Variants in TMEM14B observed in about 807,000 individuals in gnomAD.
The protein encoded by TMEM14B is transmembrane protein 14B.
Under a neutral mutation model 14.8 loss-of-function variants are expected in TMEM14B, and 9 were observed. The observed-to-expected ratio is 0.61, with a 90% CI of 0.37 to 1.06. TMEM14B has a LOEUF of 1.06. Among genes scored for constraint, TMEM14B ranks in the 50% least tolerant of loss-of-function variants. The pLI, the probability that TMEM14B is intolerant of heterozygous loss-of-function variation, is 0.01. For missense variants in TMEM14B, 128 were observed against 143.6 expected, an observed-to-expected ratio of 0.89 and a Z score of 0.56; for synonymous variants, 40 against 51.3, an observed-to-expected ratio of 0.78 and a Z score of 0.94.
intron 4 of TMEM14B, among the ~76,000 whole-genome samples, chr6:10,751,690 T>TA (rs1191000492): frequency 2.0e-5 from 3 of 152,126 alleles, no homozygotes; most frequent in Non-Finnish European, 1.5e-5. Context: ...GCAGCTGCGT[T>TA]ACGTTTTTCA....
At chr6:10,755,783 C>G (rs1229076656) in intron 5 of TMEM14B, 1 of 525,588 alleles carries the variant, frequency 1.9e-6, no homozygotes, top group Non-Finnish European at 2.5e-6. Flanking sequence ...GGTGAAACTC[C>G]TCTCTATGAA....
downstream of TMEM14B, chr6:10,759,025 T>C (rs969330714): frequency 9.8e-6 from 2 of 203,346 alleles, no homozygotes; most frequent in Non-Finnish European, 2.1e-5. Flanking sequence ...TTCAAGCGAT[T>C]CTCCTGCCTT....
chr6:10,751,004 G>A (rs1441711770), intron 3 of TMEM14B, 129 bp from the exon 4 acceptor site: 2 of 1,074,962 alleles, frequency 1.9e-6, no homozygotes, highest in Non-Finnish European at 2.7e-6. Context: ...TCCTGCTTGA[G>A]TCCACCTTGG....
chr6:10,756,462 AAC>A lies in TMEM14B; in HGVS notation c.294-3_294-2del. On this transcript the variant is annotated splice_region_variant and splice_polypyrimidine_tract_variant and intron_variant, in intron 5 of 5. Coordinates refer to ENST00000379542, the MANE Select transcript of TMEM14B (RefSeq NM_030969.5). The stretch of plus-strand genomic sequence containing the variant: ...GATGTTTTCTATCTTACTTGTTTTA[AAC>A]AGTTTGCTGATGGCCGCCAAAGTTG... 1 of 1,605,224 alleles carries A rather than the reference AAC, an allele frequency of 6.2e-7. No homozygotes were observed. The highest frequency in any genetic ancestry group is 8.5e-7 in the Non-Finnish European group (1 of 1,173,478).
At chr6:10,754,298 T>C (rs16870617) in intron 4 of TMEM14B, among the ~76,000 whole-genome samples, 1,874 of 152,320 alleles carry the variant, frequency 0.012, 31 homozygotes, top group African/African-American at 0.04. Flanking sequence ...ATTGCTCTTA[T>C]GATGAAAACC....
rs557502976 is a variant in TMEM14B at position 10,755,240 on chromosome 6, C to T, written c.293+8C>T. ...TTTAATTGCAGGTGCCAGGTACTTT[C>T]ATTCTATTACTCTTCTTTACCATGT... On this transcript the variant is annotated splice_region_variant and intron_variant, in intron 5 of 5. Coordinates refer to ENST00000379542, the MANE Select transcript of TMEM14B (RefSeq NM_030969.5). 9.2e-5 allele frequency: 149 copies of T among 1,614,106 alleles called. No homozygotes were observed. The Admixed American group carries it at 2.0e-3, about 21-fold the overall frequency.
chr6:10,749,545 C>T, intron 2 of TMEM14B, 77 bp from the exon 3 acceptor site: 2 of 1,526,388 alleles, frequency 1.3e-6, no homozygotes, highest in Non-Finnish European at 1.8e-6. Context: ...ACCTTTTAGC[C>T]CCATCCTATG....
downstream of TMEM14B, among the ~76,000 whole-genome samples, chr6:10,758,783 A>G (rs916553228): frequency 2.6e-5 from 4 of 151,988 alleles, no homozygotes; most frequent in African/African-American, 9.7e-5. Flanking sequence ...TCCTTTTGTG[A>G]GTTGTCTGAG....
rs200034112 is a variant in TMEM14B at position 10,749,232 on chromosome 6, C to G, written c.-14C>G. The G allele has an allele frequency of 2.0e-4, 323 of 1,614,158 alleles. 1 individual carries two copies. The African/African-American group carries it at 3.6e-3, about 18-fold the overall frequency. On this transcript the variant is annotated 5_prime_UTR_variant, in exon 2 of 6. Transcript: ENST00000379542. ...GGCCTGGGGTAGTCTCCTTTCTGGA[C>G]TGAGAAGAGAAGAATGGAGAAGCCC...
chr6:10,751,371 C>T, intron 4 of TMEM14B, 137 bp downstream of exon 4: 2 of 948,702 alleles, frequency 2.1e-6, no homozygotes, highest in Non-Finnish European at 3.1e-6. Context: ...AAGTCCAAGT[C>T]CTCAAAGTTT....
chr6:10,758,934 T>G (rs1771890244), downstream of TMEM14B: 2 of 155,588 alleles, frequency 1.3e-5, no homozygotes, highest in South Asian at 2.0e-4. Flanking sequence ...TTTTTTTTTT[T>G]TGAGATGGAG....
chr6:10,749,513 A>T, intron 2 of TMEM14B, 109 bp from the exon 3 acceptor site: 1 of 1,334,836 alleles, frequency 7.5e-7, no homozygotes, highest in Non-Finnish European at 1.1e-6. Context: ...CTGTGGGCAC[A>T]TAGGACCTGT....
intron 3 of TMEM14B, among the ~76,000 whole-genome samples, chr6:10,750,910 A>C (rs1771527325): frequency 1.3e-5 from 2 of 151,962 alleles, no homozygotes; most frequent in East Asian, 3.9e-4. Context: ...CTTAGATGGA[A>C]GTGCCCTGCC....
chr6:10,751,182 C>T lies in TMEM14B; in HGVS notation c.150C>T (p.Gly50=). 6.2e-7 allele frequency: 1 copy of T among 1,613,968 alleles called. No individual in the cohort carries two copies. The highest frequency in any genetic ancestry group is 8.5e-7 in the Non-Finnish European group (1 of 1,180,018). ...GGCTGCTCTTCGGCAGTCTAGCCGGCCTGGGTGCTTACCAGCTGTATCAGG... is the reference window on the plus strand; with the variant it reads ...GGCTGCTCTTCGGCAGTCTAGCCGGTCTGGGTGCTTACCAGCTGTATCAGG... ...AAGLLFGSLA[G]LGAYQLYQDP... is the part of the protein sequence containing the mutation. Residue 50 remains glycine, a synonymous_variant, in exon 4 of 6, where the codon GGC becomes GGT. Transcript: ENST00000379542.
intron 4 of TMEM14B, among the ~76,000 whole-genome samples, chr6:10,753,388 C>T (rs112825291): frequency 6.6e-6 from 1 of 152,168 alleles, no homozygotes; most frequent in African/African-American, 2.4e-5. Context: ...TTTCAGTCCT[C>T]ATTTTACTTG....
downstream of TMEM14B, chr6:10,758,965 C>T: frequency 6.9e-6 from 1 of 143,998 alleles, no homozygotes; most frequent in South Asian, 1.1e-4. Context: ...GTTGCCCAAG[C>T]TGGGGTGCAA....
At chr6:10,758,909 C>CTT (rs34333457), downstream of TMEM14B, 126 of 103,462 alleles carry the variant, frequency 1.2e-3, 3 homozygotes, top group Non-Finnish European at 1.7e-3. Flanking sequence ...AGATCTAATT[C>CTT]TTTTTTTTTT....
intron 1 of TMEM14B, among the ~76,000 whole-genome samples, chr6:10,748,724 A>G (rs1771431283): frequency 6.6e-6 from 1 of 152,102 alleles, no homozygotes; most frequent in South Asian, 2.1e-4. Context: ...CTGCCCTCCT[A>G]ACGAGAACTG....
chr6:10,753,681 C>CTAA (rs1328871607), intron 4 of TMEM14B, among the ~76,000 whole-genome samples: 1 of 152,002 alleles, frequency 6.6e-6, no homozygotes, highest in Non-Finnish European at 1.5e-5. Context: ...CTGCCCGGAC[C>CTAA]TAACCTCATG....
Sources: gnomAD v4.1 joint callset for allele counts (sites outside exome capture counted in the v4.1 genomes callset) on GRCh38, gnomAD v4.1.1 for gene constraint, MANE v1.5 for transcripts, NCBI Gene and HGNC (gene_info 2026-07-23, HGNC 2026-07-21) for gene names.